SHROOM3: variants seen among roughly 807,000 people sequenced by gnomAD.
SHROOM3 encodes the protein protein Shroom3.
A neutral mutation model predicts 138.6 loss-of-function variants in SHROOM3; 47 were observed. The observed-to-expected ratio is 0.34, with a 90% CI of 0.27 to 0.43. The LOEUF (loss-of-function observed/expected upper bound fraction) is 0.43. SHROOM3 is among the 20% of genes least tolerant of loss of function. The pLI is 1.00. For synonymous variants in SHROOM3, 1,062 were observed against 1,063.3 expected (o/e 1.00, Z 0.02); for missense variants, 2,491 against 2,596.5 (o/e 0.96, Z 0.88).
At chr4:76,628,409 T>C (rs1735210131) in intron 2 of SHROOM3, among the ~76,000 whole-genome samples, 1 of 152,220 alleles carries the variant, frequency 6.6e-6, no homozygotes, top group African/African-American at 2.4e-5. Flanking sequence ...CTCTCATGTG[T>C]TTCTTGATAT....
At chr4:76,520,345 A>T (rs1732537347) in intron 1 of SHROOM3, among the ~76,000 whole-genome samples, 1 of 152,080 alleles carries the variant, frequency 6.6e-6, no homozygotes, top group Admixed American at 6.6e-5. Flanking sequence ...CCAACTGTTG[A>T]TGATGATGAT....
intron 1 of SHROOM3, among the ~76,000 whole-genome samples, chr4:76,510,905 G>C (rs1291649632): frequency 2.6e-5 from 4 of 152,140 alleles, no homozygotes; most frequent in African/African-American, 4.8e-5. Flanking sequence ...TTCTCACCAG[G>C]CACGGTGGCT....
Position 76,741,637 on chromosome 4 carries a change from T to C in SHROOM3, c.3464T>C (p.Leu1155Pro). The C allele has an allele frequency of 1.4e-5, 21 of 1,543,968 alleles. No individual in the cohort carries two copies. The highest frequency in any genetic ancestry group is 1.7e-4 in the Middle Eastern group (1 of 5,988). The change falls in exon 5 of 11, where the codon CTC (leucine) becomes CCC (proline). Residue 1155 changes from leucine (L) to proline (P), a missense_variant. Leu to Pro is a moderately conservative substitution (Grantham distance 98, BLOSUM62 -3). This residue lies in a region of SHROOM3 where 1,733 missense variants were observed against 1,661.6 expected (regional missense o/e 1.04). Coordinates refer to ENST00000296043, the MANE Select transcript of SHROOM3 (RefSeq NM_020859.4). This position sits in a 1 kb window ranked among gnomAD's most constrained non-coding sequence, Gnocchi z 6.2. ...CTGCAGCCCCGCAGGGAGGCCACGC[T>C]CCTGCCGGCCACAGTTGCAGAAACC... The part of the protein sequence containing the change: ...PSLQPRREAT[L>P]LPATVAETQQ...
At chr4:76,579,314 A>G (rs925268661) in intron 2 of SHROOM3, among the ~76,000 whole-genome samples, 7 of 152,144 alleles carry the variant, frequency 4.6e-5, no homozygotes, top group Non-Finnish European at 1.0e-4. Context: ...TAAAAATGCA[A>G]AACATTAGCT....
intron 2 of SHROOM3, among the ~76,000 whole-genome samples, chr4:76,689,928 G>C (rs1000408542): frequency 9.2e-5 from 14 of 152,334 alleles, no homozygotes; most frequent in Admixed American, 9.1e-4. Context: ...GGCAGTAGCT[G>C]CCACTCCAAG....
chr4:76,595,381 A>G (rs944361502), intron 2 of SHROOM3, among the ~76,000 whole-genome samples: 4 of 152,176 alleles, frequency 2.6e-5, no homozygotes, highest in Non-Finnish European at 5.9e-5. Context: ...TGGTGATGTC[A>G]TCAAAGCTCC....
intron 3 of SHROOM3, among the ~76,000 whole-genome samples, chr4:76,717,689 A>G (rs1577992889): frequency 6.6e-6 from 1 of 152,304 alleles, no homozygotes; most frequent in Non-Finnish European, 1.5e-5. Flanking sequence ...TTTGATGTGA[A>G]CCTAAAACTG....
chr4:76,482,584 T>G (rs542792872), intron 1 of SHROOM3, among the ~76,000 whole-genome samples: 1 of 152,280 alleles, frequency 6.6e-6, no homozygotes, highest in South Asian at 2.1e-4. Flanking sequence ...CCAAAGTAAT[T>G]TATAGATCCA....
chr4:76,560,544 C>A (rs1471602867), intron 2 of SHROOM3, among the ~76,000 whole-genome samples: 1 of 152,174 alleles, frequency 6.6e-6, no homozygotes, highest in Non-Finnish European at 1.5e-5. Context: ...TTCCAACCTT[C>A]TGCATTAAGG....
intron 1 of SHROOM3, among the ~76,000 whole-genome samples, chr4:76,541,766 C>T (rs1323695177): frequency 6.6e-6 from 1 of 152,130 alleles, no homozygotes; most frequent in South Asian, 2.1e-4. Context: ...CATGCCCTTT[C>T]TAAGATCTGA....
At chr4:76,646,260 A>G (rs1735819691) in intron 2 of SHROOM3, among the ~76,000 whole-genome samples, 1 of 145,278 alleles carries the variant, frequency 6.9e-6, no homozygotes, top group Non-Finnish European at 1.5e-5. Context: ...AATTAAAAAA[A>G]AGAACCTGTT....
chr4:76,565,834 A>T (rs1006459221), intron 2 of SHROOM3, among the ~76,000 whole-genome samples: 2 of 152,084 alleles, frequency 1.3e-5, no homozygotes, highest in Non-Finnish European at 2.9e-5. Context: ...CGCCTCAAGA[A>T]AAAGGCTGGG....
At chr4:76,583,934 T>C (rs1289233164) in intron 2 of SHROOM3, among the ~76,000 whole-genome samples, 1 of 152,242 alleles carries the variant, frequency 6.6e-6, no homozygotes, top group East Asian at 1.9e-4. Flanking sequence ...TTTGTAAATA[T>C]CAATGCTTTC....
rs181323985 is a variant in SHROOM3, at chr4:76,658,209, G to A, written c.324-51947G>A. On this transcript the variant is annotated intron_variant, in intron 2 of 10. Transcript: ENST00000296043. ...ATGTGAAGCTGAACACCAAATTACA[G>A]GGTTTCAAACCTCAAGCCTTGGTGA... 2.0e-5 allele frequency among the ~76,000 whole-genome samples: 3 copies of A among 152,260 alleles called. No homozygotes were observed. In the East Asian group the frequency reaches 5.8e-4, roughly 29 times the overall value.
intron 3 of SHROOM3, among the ~76,000 whole-genome samples, chr4:76,725,787 T>C (rs2110125829): frequency 6.6e-6 from 1 of 152,314 alleles, no homozygotes; most frequent in East Asian, 1.9e-4. Flanking sequence ...CATAAGCTCA[T>C]ACCCTTCACC....
chr4:76,612,307 GT>G (rs1734780561), intron 2 of SHROOM3, among the ~76,000 whole-genome samples: 1 of 152,174 alleles, frequency 6.6e-6, no homozygotes, highest in Admixed American at 6.5e-5. Flanking sequence ...TATAGAACTA[GT>G]TTGTTTAGCC....
At chr4:76,665,002 C>G (rs1227368067) in intron 2 of SHROOM3, among the ~76,000 whole-genome samples, 1 of 152,068 alleles carries the variant, frequency 6.6e-6, no homozygotes, top group East Asian at 1.9e-4. Context: ...TATATATTAA[C>G]AAAATAAAGG....
At chr4:76,543,945 T>C (rs188230935) in intron 1 of SHROOM3, among the ~76,000 whole-genome samples, 3 of 152,350 alleles carry the variant, frequency 2.0e-5, no homozygotes, top group African/African-American at 7.2e-5. Context: ...AGACTGGTAT[T>C]TACCTTCTTA....
chr4:76,451,229 T>C (rs955693579), intron 1 of SHROOM3, among the ~76,000 whole-genome samples: 1 of 152,194 alleles, frequency 6.6e-6, no homozygotes, highest in African/African-American at 2.4e-5. Flanking sequence ...GGATTACAGA[T>C]GTGAGCCACT....
Sources: allele counts gnomAD v4.1 joint callset (sites outside exome capture counted in the v4.1 genomes callset), GRCh38; gene constraint gnomAD v4.1.1; regional missense constraint gnomAD v4.1.1; non-coding constraint Gnocchi (gnomAD v3.1); transcripts MANE v1.5; gene names NCBI Gene and HGNC (gene_info 2026-07-23, HGNC 2026-07-21).